TMEM97: variants seen among roughly 807,000 people sequenced by gnomAD.
TMEM97 encodes the protein sigma intracellular receptor 2.
TMEM97 carries 13 observed loss-of-function variants against 18.3 expected under a neutral mutation model. The ratio of observed to expected loss-of-function variants is 0.71; its 90% CI spans 0.46 to 1.13. The LOEUF (loss-of-function observed/expected upper bound fraction) is 1.13. TMEM97 is among the 50% of genes most tolerant of loss of function. The pLI, the probability that TMEM97 is intolerant of heterozygous loss-of-function variation, is 0.00. For missense variants in TMEM97, 205 were observed against 210.5 expected (o/e 0.97, Z 0.16); for synonymous variants, 76 against 85.3 (o/e 0.89, Z 0.60).
chr17:28,324,925 G>A (rs1279783799), intron 1 of TMEM97, among the ~76,000 whole-genome samples: 1 of 152,030 alleles, frequency 6.6e-6, no homozygotes, highest in Non-Finnish European at 1.5e-5. Context: ...AAATTACATC[G>A]CCACAGAGGT....
intron 1 of TMEM97, among the ~76,000 whole-genome samples, chr17:28,322,651 A>G (rs1906190605): frequency 6.6e-6 from 1 of 152,204 alleles, no homozygotes; most frequent in African/African-American, 2.4e-5. Context: ...GCTGGGTAAC[A>G]TTGCTTCTGG....
At chr17:28,326,161 T>C (rs1185452723) in intron 2 of TMEM97, among the ~76,000 whole-genome samples, 2 of 152,240 alleles carry the variant, frequency 1.3e-5, no homozygotes, top group Non-Finnish European at 2.9e-5. Flanking sequence ...TGGCACCCCC[T>C]GGGGTCACTG....
chr17:28,325,702 C>A (rs1906307443), intron 2 of TMEM97, 55 bp downstream of exon 2: 1 of 1,608,434 alleles, frequency 6.2e-7, no homozygotes. Context: ...TCCCAGAAAT[C>A]TTTTGGGAAA....
At chr17:28,319,429 T>C in intron 1 of TMEM97, 64 bp downstream of exon 1, 1 of 1,484,308 alleles carries the variant, frequency 6.7e-7, no homozygotes, top group Non-Finnish European at 9.0e-7. Context: ...CACAGGGCCT[T>C]CACCTCCTCC....
intron 1 of TMEM97, among the ~76,000 whole-genome samples, chr17:28,320,374 A>G (rs1458272432): frequency 1.3e-5 from 2 of 152,212 alleles, no homozygotes; most frequent in African/African-American, 2.4e-5. Flanking sequence ...CCACGGCTCA[A>G]GAATGTTCTA....
intron 1 of TMEM97, among the ~76,000 whole-genome samples, chr17:28,321,972 T>C (rs1906165315): frequency 6.6e-6 from 1 of 152,148 alleles, no homozygotes; most frequent in South Asian, 2.1e-4. Flanking sequence ...CTTGTTGCTT[T>C]GGTGTAGGAA....
At chr17:28,323,834 C>T (rs1567775796) in intron 1 of TMEM97, among the ~76,000 whole-genome samples, 1 of 152,074 alleles carries the variant, frequency 6.6e-6, no homozygotes, top group African/African-American at 2.4e-5. Context: ...GGCAAAACCC[C>T]GTCTCTACAG....
chr17:28,324,742 G>A (rs1906268282), intron 1 of TMEM97: 1 of 152,178 alleles, frequency 6.6e-6, no homozygotes, highest in Admixed American at 6.5e-5. Flanking sequence ...CAAGCGTGGG[G>A]CCCAAGCTAG....
chr17:28,321,900 GTGA>G (rs1371500925), intron 1 of TMEM97, among the ~76,000 whole-genome samples: 1 of 151,980 alleles, frequency 6.6e-6, no homozygotes, highest in African/African-American at 2.4e-5. Context: ...ATCTGTGTGT[GTGA>G]TGATGTTTGA....
Position 28,319,367 on chromosome 17 carries a change from T to A in TMEM97, c.126+2T>A, listed in dbSNP as rs1269730720. The A allele has an allele frequency of 1.3e-6, 2 of 1,587,786 alleles. No individual in the cohort carries two copies. Among genetic ancestry groups the A allele is most frequent in the Non-Finnish European group, 1.7e-6 (2 of 1,167,936 alleles). Reference sequence around the variant, plus strand: ...CCGCGCGAGCTCTACCCAGTCGAGGTGAGGGGCGCCCCTCTTATCCCGGCC... The same window carrying A: ...CCGCGCGAGCTCTACCCAGTCGAGGAGAGGGGCGCCCCTCTTATCCCGGCC... On this transcript the variant is annotated splice_donor_variant, in intron 1 of 2. Coordinates refer to ENST00000226230, the MANE Select transcript of TMEM97 (RefSeq NM_014573.3). LOFTEE classifies it high-confidence loss of function.
At chr17:28,321,925 C>G (rs1034360689) in intron 1 of TMEM97, among the ~76,000 whole-genome samples, 1 of 151,500 alleles carries the variant, frequency 6.6e-6, no homozygotes, top group Admixed American at 6.6e-5. Context: ...GGCATTAGCT[C>G]GGTGGCATCC....
chr17:28,325,739 C>T (rs2142158824), intron 2 of TMEM97, 92 bp downstream of exon 2: 2 of 1,545,306 alleles, frequency 1.3e-6, no homozygotes, highest in East Asian at 2.2e-5. Flanking sequence ...GGGGATGGTC[C>T]CCATAGTTTG....
intron 1 of TMEM97, chr17:28,319,657 T>A (rs1906068407): frequency 3.1e-6 from 1 of 319,976 alleles, no homozygotes; most frequent in South Asian, 8.5e-5. Context: ...TGTCAGTGTC[T>A]GAGGGAAGTA....
Position 28,319,225 on chromosome 17 carries a change from C to G in TMEM97, c.-15C>G. 1 of 1,597,616 alleles carries G rather than the reference C, an allele frequency of 6.3e-7. No homozygotes were observed. On this transcript the variant is annotated 5_prime_UTR_variant, in exon 1 of 3. Coordinates refer to ENST00000226230, the MANE Select transcript of TMEM97 (RefSeq NM_014573.3). The stretch of plus-strand genomic sequence containing the variant: ...CTCTTCTCACATCAGCGGGTCCAGG[C>G]CCAACCGACAGACTATGGGGGCTCC...
intron 1 of TMEM97, among the ~76,000 whole-genome samples, chr17:28,320,053 A>G (rs1444165576): frequency 3.3e-5 from 5 of 152,116 alleles, no homozygotes; most frequent in African/African-American, 1.2e-4. Context: ...CTTCAAAGCT[A>G]TAGTTTTAGT....
At position 28,325,490 on chromosome 17, in the gene TMEM97, TTTTC is replaced by T. The variant is rs1186814175; in HGVS notation, c.127-9_127-6del. ...AAGTGGCTGTAATTCATCATGATCGTTTTCTTTTTCAGTTTAGAAACCTGCTGAA... is the reference window on the plus strand; with the variant it reads ...AAGTGGCTGTAATTCATCATGATCGTTTTTTCAGTTTAGAAACCTGCTGAA... On this transcript the variant is annotated splice_polypyrimidine_tract_variant and intron_variant, in intron 1 of 2. Coordinates refer to ENST00000226230, the MANE Select transcript of TMEM97 (RefSeq NM_014573.3). 1.9e-6 allele frequency: 3 copies of T among 1,611,738 alleles called. No individual in the cohort carries two copies. Among genetic ancestry groups the T allele is most frequent in the African/African-American group, 1.3e-5 (1 of 74,696 alleles).
chr17:28,319,988 G>A (rs1414474894), intron 1 of TMEM97, among the ~76,000 whole-genome samples: 1 of 152,150 alleles, frequency 6.6e-6, no homozygotes, highest in Non-Finnish European at 1.5e-5. Context: ...CGATTTCCTG[G>A]TTGTTGGAGA....
intron 1 of TMEM97, among the ~76,000 whole-genome samples, chr17:28,324,378 T>C (rs1555575223): frequency 1.3e-5 from 2 of 152,264 alleles, no homozygotes; most frequent in African/African-American, 4.8e-5. Context: ...TAAAGTGCTC[T>C]TGCAGCAGTG....
chr17:28,326,790 A>C lies in TMEM97; in HGVS notation c.528A>C (p.Lys176Asn). Residue 176 changes from lysine (K) to asparagine (N), a missense_variant, in exon 3 of 3, where the codon AAA becomes AAC. By Grantham distance (94) the Lys-to-Asn change is moderately conservative. Coordinates refer to ENST00000226230, the MANE Select transcript of TMEM97 (RefSeq NM_014573.3). ...AGTATGAAGAGAAAAGAAAAAAAAA[A>C]TGAAGGAAACAACCACTGGCCCAGG... The part of the protein sequence containing the change: ...YYKYEEKRKK[K>N] 6.2e-7 allele frequency: 1 copy of C among 1,610,486 alleles called. No homozygotes were observed. Among genetic ancestry groups the C allele is most frequent in the Non-Finnish European group, 8.5e-7 (1 of 1,179,442 alleles).
Sources: allele counts gnomAD v4.1 joint callset (sites outside exome capture counted in the v4.1 genomes callset), GRCh38; gene constraint gnomAD v4.1.1; transcripts MANE v1.5; gene names NCBI Gene and HGNC (gene_info 2026-07-23, HGNC 2026-07-21).